The following THADA variants were observed in gnomAD, a reference collection of about 807,000 sequenced individuals.
THADA encodes tRNA (32-2'-O)-methyltransferase regulator THADA.
THADA carries 213 observed loss-of-function variants against 219.8 expected under a neutral mutation model. The observed-to-expected ratio is 0.97, with a 90% CI of 0.87 to 1.09. The LOEUF (loss-of-function observed/expected upper bound fraction) is 1.09, where lower values mean the gene tolerates loss of function less well. THADA is among the 50% of genes least tolerant of loss of function. The probability of loss-of-function intolerance (pLI) is 0.00; values close to 1 mark genes in which losing one functional copy is unlikely to be tolerated. For missense variants in THADA, 2,956 were observed against 2,311.3 expected, an observed-to-expected ratio of 1.28 and a Z score of -5.72; for synonymous variants, 1,018 against 828.9, an observed-to-expected ratio of 1.23 and a Z score of -3.92.
intron 26 of THADA, among the ~76,000 whole-genome samples, chr2:43,438,299 CA>C (rs56108896): frequency 7.8e-4 from 67 of 85,990 alleles, no homozygotes; most frequent in Middle Eastern, 6.2e-3. Flanking sequence ...GACTCCATCT[CA>C]AAAAAAAAAA....
At chr2:43,474,179 T>C (rs911712774) in intron 26 of THADA, among the ~76,000 whole-genome samples, 3 of 152,204 alleles carry the variant, frequency 2.0e-5, no homozygotes, top group Non-Finnish European at 4.4e-5. Context: ...GTCATATGGA[T>C]AGAGCAAAAG....
At chr2:43,474,452 G>GT (rs1453036381) in intron 26 of THADA, among the ~76,000 whole-genome samples, 1 of 152,050 alleles carries the variant, frequency 6.6e-6, no homozygotes, top group African/African-American at 2.4e-5. Flanking sequence ...GAGTTCAAGT[G>GT]TTATCTCTCC....
At chr2:43,487,735 C>T (rs1687086641) in intron 25 of THADA, among the ~76,000 whole-genome samples, 1 of 152,172 alleles carries the variant, frequency 6.6e-6, no homozygotes, top group Non-Finnish European at 1.5e-5. Context: ...CTCACTTCTA[C>T]CATGTGAGGA....
intron 31 of THADA, among the ~76,000 whole-genome samples, chr2:43,294,629 G>A (rs1675146307): frequency 6.6e-6 from 1 of 152,188 alleles, no homozygotes; most frequent in South Asian, 2.1e-4. Flanking sequence ...GTTATTTTAA[G>A]CAGTAAGGTC....
chr2:43,363,265 G>A (rs1669733989), intron 29 of THADA, among the ~76,000 whole-genome samples: 1 of 152,182 alleles, frequency 6.6e-6, no homozygotes, highest in African/African-American at 2.4e-5. Flanking sequence ...CAGCGGAACA[G>A]GTTTGTTTAC....
At chr2:43,283,505 G>T (rs1439381425) in intron 35 of THADA, among the ~76,000 whole-genome samples, 1 of 152,198 alleles carries the variant, frequency 6.6e-6, no homozygotes, top group Non-Finnish European at 1.5e-5. Flanking sequence ...ACAGTGATAT[G>T]GGCAATGAAG....
chr2:43,311,870 C>T (rs1677547737), intron 31 of THADA, among the ~76,000 whole-genome samples: 2 of 152,238 alleles, frequency 1.3e-5, no homozygotes, highest in East Asian at 1.9e-4. Context: ...TGATGTGCAG[C>T]TGGAGCTGGG....
At chr2:43,467,049 G>C (rs1180236728) in intron 26 of THADA, among the ~76,000 whole-genome samples, 3 of 151,586 alleles carry the variant, frequency 2.0e-5, no homozygotes, top group African/African-American at 7.3e-5. Context: ...AGGCGTGGTA[G>C]CGGGCGCCTG....
chr2:43,588,740 G>C (rs1701250147), intron 4 of THADA, among the ~76,000 whole-genome samples: 1 of 152,090 alleles, frequency 6.6e-6, no homozygotes, highest in Non-Finnish European at 1.5e-5. Context: ...TCAATGGGTA[G>C]TCTGGGGGAG....
At chr2:43,495,947 G>A (rs140543852) in intron 25 of THADA, among the ~76,000 whole-genome samples, 56 of 152,302 alleles carry the variant, frequency 3.7e-4, no homozygotes, top group East Asian at 2.1e-3. Flanking sequence ...CCAGAAGTGT[G>A]TATCTCTTAC....
chr2:43,350,188 C>G (rs1213433345), intron 29 of THADA, among the ~76,000 whole-genome samples: 2 of 152,080 alleles, frequency 1.3e-5, no homozygotes, highest in Non-Finnish European at 2.9e-5. Context: ...TTCATACAAA[C>G]AGAACTGCAG....
intron 36 of THADA, among the ~76,000 whole-genome samples, chr2:43,265,850 G>A (rs1032234199): frequency 2.0e-5 from 3 of 151,880 alleles, no homozygotes; most frequent in Admixed American, 2.0e-4. Flanking sequence ...GTGGGTTCTT[G>A]GGAGTTTTCT....
At chr2:43,539,599 G>A (rs964397342) in intron 21 of THADA, among the ~76,000 whole-genome samples, 2 of 152,198 alleles carry the variant, frequency 1.3e-5, no homozygotes, top group South Asian at 4.1e-4. Context: ...TACATATACA[G>A]TTCATCGCTC....
chr2:43,459,838 G>C (rs1573756797), intron 26 of THADA, among the ~76,000 whole-genome samples: 1 of 152,084 alleles, frequency 6.6e-6, no homozygotes, highest in Non-Finnish European at 1.5e-5. Flanking sequence ...AAAAAACTGA[G>C]TTTGCCTACT....
intron 25 of THADA, among the ~76,000 whole-genome samples, chr2:43,490,594 TCACA>T (rs1006479925): frequency 6.6e-6 from 1 of 152,218 alleles, no homozygotes; most frequent in African/African-American, 2.4e-5. Context: ...TTTAGTCTAT[TCACA>T]CAGTATATTA....
intron 26 of THADA, among the ~76,000 whole-genome samples, chr2:43,452,000 G>A (rs12105710): frequency 0.084 from 12,777 of 152,182 alleles, 594 homozygotes; most frequent in South Asian, 0.14. Flanking sequence ...CCAGCTACTC[G>A]GGAGGCTGAG....
At chr2:43,585,241 T>G (rs1201444959) in intron 7 of THADA, among the ~76,000 whole-genome samples, 2 of 150,348 alleles carry the variant, frequency 1.3e-5, no homozygotes, top group Admixed American at 6.7e-5. Context: ...CTGGGCACAG[T>G]GGCTCACACC....
At chr2:43,563,656 A>C (rs968741396) in intron 15 of THADA, 1 of 152,136 alleles carries the variant, frequency 6.6e-6, no homozygotes, top group Non-Finnish European at 1.5e-5. Flanking sequence ...TTTTAATCTA[A>C]TTGTAGATTT....
chr2:43,400,470 T>TATATATATATAA (rs1273903312), intron 28 of THADA, among the ~76,000 whole-genome samples: 18 of 143,450 alleles, frequency 1.3e-4, no homozygotes, highest in African/African-American at 4.4e-4. Context: ...TATATATATA[T>TATATATATATAA]ATATATAAAT....
Sources: gnomAD v4.1 joint callset for allele counts (sites outside exome capture counted in the v4.1 genomes callset) on GRCh38, gnomAD v4.1.1 for gene constraint, MANE v1.5 for transcripts, NCBI Gene and HGNC (gene_info 2026-07-23, HGNC 2026-07-21) for gene names.